GPC5: variants seen among roughly 807,000 people sequenced by gnomAD.
GPC5 encodes glypican 5.
In GPC5, 47 loss-of-function variants were observed where a neutral mutation model predicts 53.9. That is an observed-to-expected ratio of 0.87 (90% CI 0.69 to 1.11). The LOEUF (loss-of-function observed/expected upper bound fraction) is 1.11. Among genes scored for constraint, GPC5 ranks in the 50% most tolerant of loss-of-function variants. GPC5 has a pLI of 0.00. For missense variants in GPC5, 748 were observed against 713.1 expected, an observed-to-expected ratio of 1.05 and a Z score of -0.56; for synonymous variants, 286 against 263.3, an observed-to-expected ratio of 1.09 and a Z score of -0.84.
intron 6 of GPC5, among the ~76,000 whole-genome samples, chr13:92,030,735 G>A (rs1411107582): frequency 6.6e-6 from 1 of 152,210 alleles, no homozygotes; most frequent in Non-Finnish European, 1.5e-5. Context: ...ACTGGGACAA[G>A]TGCGCACTGG....
chr13:92,652,273 T>C (rs1484186362), intron 7 of GPC5, among the ~76,000 whole-genome samples: 1 of 152,206 alleles, frequency 6.6e-6, no homozygotes, highest in Non-Finnish European at 1.5e-5. Flanking sequence ...TTCCCTTTCA[T>C]TAATGTGACA....
chr13:92,273,283 T>C (rs2042852830), intron 7 of GPC5, among the ~76,000 whole-genome samples: 1 of 152,102 alleles, frequency 6.6e-6, no homozygotes, highest in African/African-American at 2.4e-5. Context: ...AATCAATGGA[T>C]GATGATTTTT....
At chr13:91,459,438 A>G (rs1594116823) in intron 2 of GPC5, among the ~76,000 whole-genome samples, 1 of 152,172 alleles carries the variant, frequency 6.6e-6, no homozygotes, top group East Asian at 1.9e-4. Context: ...TATATCTCTT[A>G]TGATCCTTAG....
chr13:92,431,705 A>G (rs1877094244), intron 7 of GPC5, among the ~76,000 whole-genome samples: 1 of 152,174 alleles, frequency 6.6e-6, no homozygotes, highest in South Asian at 2.1e-4. Context: ...TAACATGATA[A>G]CATGATCTTG....
intron 7 of GPC5, among the ~76,000 whole-genome samples, chr13:92,218,100 A>C (rs2042424046): frequency 6.6e-6 from 1 of 151,626 alleles, no homozygotes; most frequent in Non-Finnish European, 1.5e-5. Flanking sequence ...ATTTTTAAAA[A>C]AAAATTTAGT....
intron 7 of GPC5, among the ~76,000 whole-genome samples, chr13:92,706,349 G>A (rs1594438470): frequency 6.6e-6 from 1 of 151,870 alleles, no homozygotes; most frequent in Admixed American, 6.6e-5. Flanking sequence ...CCTTATGTGT[G>A]ATTATATCTA....
intron 7 of GPC5, among the ~76,000 whole-genome samples, chr13:92,703,172 A>G (rs1279600901): frequency 6.6e-6 from 1 of 151,758 alleles, no homozygotes; most frequent in Non-Finnish European, 1.5e-5. Flanking sequence ...AAGCTCCATG[A>G]GCACAGGGAC....
intron 2 of GPC5, among the ~76,000 whole-genome samples, chr13:91,616,420 TTGA>T (rs1018347273): frequency 1.1e-4 from 16 of 152,204 alleles, no homozygotes; most frequent in Non-Finnish European, 2.1e-4. Flanking sequence ...GAACTATGGG[TTGA>T]TGAACTATGG....
chr13:91,433,576 A>T (rs1879669032), intron 1 of GPC5, among the ~76,000 whole-genome samples: 2 of 152,154 alleles, frequency 1.3e-5, no homozygotes, highest in South Asian at 4.1e-4. Context: ...TATATGTGCC[A>T]CATTTTCTTA....
At chr13:92,456,937 T>C (rs1235924305) in intron 7 of GPC5, among the ~76,000 whole-genome samples, 1 of 152,132 alleles carries the variant, frequency 6.6e-6, no homozygotes, top group Non-Finnish European at 1.5e-5. Flanking sequence ...GGGGTACGAA[T>C]GATTCCATTC....
intron 7 of GPC5, among the ~76,000 whole-genome samples, chr13:92,301,100 A>G (rs938058664): frequency 6.6e-6 from 1 of 152,254 alleles, no homozygotes; most frequent in Non-Finnish European, 1.5e-5. Context: ...CATAACATCA[A>G]TGAAATAAAA....
intron 6 of GPC5, among the ~76,000 whole-genome samples, chr13:92,031,793 TATATATA>T (rs1473363527): frequency 2.2e-4 from 22 of 99,426 alleles, no homozygotes; most frequent in Non-Finnish European, 1.9e-5. Flanking sequence ...TATTACATAT[TATATATA>T]ATATATAATA....
intron 7 of GPC5, among the ~76,000 whole-genome samples, chr13:92,430,107 A>C (rs1219716755): frequency 6.6e-6 from 1 of 152,072 alleles, no homozygotes; most frequent in Non-Finnish European, 1.5e-5. Flanking sequence ...TTAGTCAATT[A>C]AAAAATTTAG....
intron 6 of GPC5, among the ~76,000 whole-genome samples, chr13:91,993,489 A>G (rs189017893): frequency 2.0e-5 from 3 of 152,274 alleles, no homozygotes; most frequent in Admixed American, 1.3e-4. Flanking sequence ...ACATGAAGCA[A>G]TAAGACAACA....
intron 7 of GPC5, among the ~76,000 whole-genome samples, chr13:92,407,408 G>A (rs1345083329): frequency 6.6e-6 from 1 of 152,096 alleles, no homozygotes; most frequent in East Asian, 1.9e-4. Context: ...TTTTTCTAAT[G>A]TGATTTTGTG....
rs148433294 is a variant in GPC5 at position 91,674,400 on chromosome 13, C to CATAT, written c.326-18777_326-18774dup. 1.2e-3 allele frequency among the ~76,000 whole-genome samples: 161 copies of CATAT among 139,950 alleles called. 4 individuals are homozygous for CATAT. The South Asian group carries it at 0.03, about 26-fold the overall frequency. The allele number at this position is 139,950 out of a possible 152,430, so 91.8% of individuals were successfully genotyped here. A position where few individuals can be genotyped will look rare whatever the true frequency, so the allele number is the denominator to read the frequency against. ...CATTATATATATATATACACACACA[C>CATAT]ATATATATATATACACACACACATA... On this transcript the variant is annotated intron_variant, in intron 2 of 7. Transcript: ENST00000377067.
At chr13:91,468,444 A>G (rs2139169322) in intron 2 of GPC5, among the ~76,000 whole-genome samples, 1 of 152,238 alleles carries the variant, frequency 6.6e-6, no homozygotes, top group South Asian at 2.1e-4. Flanking sequence ...GCCCACTCCA[A>G]TGTGATTGGT....
rs781394550 is a variant in GPC5, at chr13:91,907,995, A to G, written c.1339A>G (p.Lys447Glu). The G allele has an allele frequency of 1.0e-5, 16 of 1,594,542 alleles. No homozygotes were observed. Among genetic ancestry groups the G allele is most frequent in the Non-Finnish European group, 1.3e-5 (15 of 1,177,528 alleles). Residue 447 changes from lysine to glutamate, a missense_variant, in exon 6 of 8, where the codon AAA becomes GAA. Transcript: ENST00000377067. ...IKAQSGNPEV[K>E]VKGIDPVINQ... Reference sequence around the variant, plus strand: ...AGCCCAGTCTGGAAATCCTGAAGTCAAAGTCAAAGGAATTGATCCTGTGAT... The same window carrying G: ...AGCCCAGTCTGGAAATCCTGAAGTCGAAGTCAAAGGAATTGATCCTGTGAT...
intron 2 of GPC5, among the ~76,000 whole-genome samples, chr13:91,586,967 A>G (rs1201623631): frequency 2.0e-5 from 3 of 152,214 alleles, no homozygotes; most frequent in African/African-American, 7.2e-5. Flanking sequence ...GTAGGAAGAA[A>G]CATTTCTTGT....
Sources: allele counts gnomAD v4.1 joint callset (sites outside exome capture counted in the v4.1 genomes callset), GRCh38; gene constraint gnomAD v4.1.1; transcripts MANE v1.5; gene names NCBI Gene and HGNC (gene_info 2026-07-23, HGNC 2026-07-21).